INPP4B: variants seen among roughly 807,000 people sequenced by gnomAD.
The protein encoded by INPP4B is inositol polyphosphate-4-phosphatase type II B.
In INPP4B, 55 loss-of-function variants were observed where a neutral mutation model predicts 122.5. That is an observed-to-expected ratio of 0.45 (90% CI 0.36 to 0.56). The LOEUF (loss-of-function observed/expected upper bound fraction) is 0.56. INPP4B is among the 20% of genes least tolerant of loss of function. The pLI, the probability that INPP4B is intolerant of heterozygous loss-of-function variation, is 0.00. For synonymous variants in INPP4B, 403 were observed against 388.7 expected, an observed-to-expected ratio of 1.04 and a Z score of -0.43; for missense variants, 1,000 against 1,097.7, an observed-to-expected ratio of 0.91 and a Z score of 1.26.
At chr4:142,771,746 A>AAACC (rs1773106271) in intron 1 of INPP4B, among the ~76,000 whole-genome samples, 1 of 152,242 alleles carries the variant, frequency 6.6e-6, no homozygotes, top group Admixed American at 6.5e-5. Flanking sequence ...CTGATTTTGT[A>AAACC]AACCAACCAA....
chr4:142,776,675 T>C (rs997399658), intron 1 of INPP4B, among the ~76,000 whole-genome samples: 2 of 152,184 alleles, frequency 1.3e-5, no homozygotes, highest in African/African-American at 4.8e-5. Flanking sequence ...GAATGATTTG[T>C]TGTGATTTCT....
intron 2 of INPP4B, among the ~76,000 whole-genome samples, chr4:142,561,572 C>A (rs1220140235): frequency 6.6e-6 from 1 of 152,110 alleles, no homozygotes; most frequent in Non-Finnish European, 1.5e-5. Flanking sequence ...ATGTGAGCCA[C>A]CACACCTGGC....
intron 10 of INPP4B, among the ~76,000 whole-genome samples, chr4:142,266,219 A>G (rs1742734206): frequency 6.6e-6 from 1 of 152,170 alleles, no homozygotes; most frequent in Non-Finnish European, 1.5e-5. Context: ...ACAAGGATGG[A>G]ATGAAGGGAT....
intron 9 of INPP4B, among the ~76,000 whole-genome samples, chr4:142,273,469 C>T (rs1746892550): frequency 6.6e-6 from 1 of 151,846 alleles, no homozygotes; most frequent in Admixed American, 6.6e-5. Flanking sequence ...ATGATGTTTA[C>T]ATTCCTAGAA....
At chr4:142,062,480 C>T (rs976417895) in intron 25 of INPP4B, among the ~76,000 whole-genome samples, 28 of 152,114 alleles carry the variant, frequency 1.8e-4, no homozygotes, top group African/African-American at 6.8e-4. Context: ...TGCCTGTAAT[C>T]CCAGCAGCAC....
chr4:142,421,439 C>G (rs1166181877), intron 5 of INPP4B, among the ~76,000 whole-genome samples: 1 of 152,114 alleles, frequency 6.6e-6, no homozygotes, highest in Non-Finnish European at 1.5e-5. Flanking sequence ...GCCCCAGAGG[C>G]AGTAAGACTC....
intron 1 of INPP4B, among the ~76,000 whole-genome samples, chr4:142,814,484 G>A (rs72728686): frequency 0.24 from 36,475 of 152,012 alleles, 4,609 homozygotes; most frequent in South Asian, 0.34. Context: ...ATCTAGTTCA[G>A]TTACCTACTA....
At chr4:142,700,057 G>A (rs927187565) in intron 2 of INPP4B, among the ~76,000 whole-genome samples, 7 of 151,724 alleles carry the variant, frequency 4.6e-5, no homozygotes, top group African/African-American at 9.7e-5. Flanking sequence ...CTCTCTCCCT[G>A]TATAGTAAAG....
chr4:142,479,867 T>C (rs1444675892), intron 2 of INPP4B, among the ~76,000 whole-genome samples: 2 of 152,086 alleles, frequency 1.3e-5, no homozygotes, highest in Non-Finnish European at 2.9e-5. Flanking sequence ...CTATGCTTAT[T>C]ACCTGGTTGA....
intron 2 of INPP4B, among the ~76,000 whole-genome samples, chr4:142,582,231 T>C (rs1279027444): frequency 1.3e-5 from 2 of 151,664 alleles, no homozygotes; most frequent in African/African-American, 4.8e-5. Flanking sequence ...TGGCTATAGG[T>C]TGTAAAAAAG....
chr4:142,203,920 C>T (rs1841687355), intron 14 of INPP4B, among the ~76,000 whole-genome samples: 1 of 152,012 alleles, frequency 6.6e-6, no homozygotes, highest in Non-Finnish European at 1.5e-5. Context: ...TGCATTATTA[C>T]CTTGCAATAA....
At chr4:142,338,303 T>G (rs944043944) in intron 7 of INPP4B, among the ~76,000 whole-genome samples, 12 of 152,230 alleles carry the variant, frequency 7.9e-5, no homozygotes, top group Non-Finnish European at 1.5e-4. Context: ...TGGTGCCATC[T>G]AGGCTCACTG....
chr4:142,105,484 G>A (rs1429582710), intron 23 of INPP4B, among the ~76,000 whole-genome samples: 3 of 152,080 alleles, frequency 2.0e-5, no homozygotes, highest in Non-Finnish European at 4.4e-5. Flanking sequence ...GACATTTTGG[G>A]AAGAATATTT....
intron 1 of INPP4B, among the ~76,000 whole-genome samples, chr4:142,769,593 T>C (rs1301802336): frequency 6.6e-6 from 1 of 152,100 alleles, no homozygotes; most frequent in Admixed American, 6.6e-5. Context: ...CTTAAGTGAT[T>C]GTTCTTCTCA....
intron 2 of INPP4B, among the ~76,000 whole-genome samples, chr4:142,662,850 G>A (rs1165141624): frequency 6.6e-6 from 1 of 152,184 alleles, no homozygotes; most frequent in Non-Finnish European, 1.5e-5. Context: ...TGACATATTG[G>A]AGTTTTTAAA....
At chr4:142,824,023 A>C (rs1781119100) in intron 1 of INPP4B, among the ~76,000 whole-genome samples, 1 of 152,114 alleles carries the variant, frequency 6.6e-6, no homozygotes, top group Non-Finnish European at 1.5e-5. Flanking sequence ...GAGGAAATAC[A>C]CAGTCATTCT....
At chr4:142,042,516 G>GTGTATGTATGTATGTA (rs3043168) in intron 25 of INPP4B, among the ~76,000 whole-genome samples, 1 of 48,128 alleles carries the variant, frequency 2.1e-5, no homozygotes, top group East Asian at 4.1e-4. Flanking sequence ...TTATGTGTGT[G>GTGTATGTATGTATGTA]TGTATGTATG....
chr4:142,085,614 A>G (rs955894947), intron 24 of INPP4B, among the ~76,000 whole-genome samples: 12 of 152,156 alleles, frequency 7.9e-5, no homozygotes, highest in African/African-American at 2.9e-4. Flanking sequence ...CAAGGGCACC[A>G]TTAAATGAGA....
chr4:142,724,125 A>G (rs1169360218), intron 2 of INPP4B, among the ~76,000 whole-genome samples: 1 of 152,182 alleles, frequency 6.6e-6, no homozygotes, highest in Non-Finnish European at 1.5e-5. Flanking sequence ...CTCTGGGTAT[A>G]CTGATGCTGA....
Sources: allele counts gnomAD v4.1 joint callset (sites outside exome capture counted in the v4.1 genomes callset), GRCh38; gene constraint gnomAD v4.1.1; transcripts MANE v1.5; gene names NCBI Gene and HGNC (gene_info 2026-07-23, HGNC 2026-07-21).